CAMTA1: variants seen among roughly 807,000 people sequenced by gnomAD.
CAMTA1 encodes the protein calmodulin binding transcription activator 1.
Under a neutral mutation model 170.9 loss-of-function variants are expected in CAMTA1, and 27 were observed. The observed-to-expected ratio is 0.16, with a 90% CI of 0.12 to 0.22. The LOEUF (loss-of-function observed/expected upper bound fraction) is 0.22, where lower values mean the gene tolerates loss of function less well. Ranked by LOEUF, CAMTA1 falls within the 10% of genes least tolerant of loss-of-function variation. The probability of loss-of-function intolerance (pLI) is 1.00; values close to 1 mark genes in which losing one functional copy is unlikely to be tolerated. For synonymous variants in CAMTA1, 833 were observed against 891.5 expected (o/e 0.93, Z 1.17); for missense variants, 1,619 against 2,217.2 (o/e 0.73, Z 5.42).
chr1:7,337,545 G>GTGGGCAGTGGGCCT lies in CAMTA1; in HGVS notation c.438+87919_438+87920insTGGGCAGTGGGCCT, dbSNP rs1557542257. On this transcript the variant is annotated intron_variant, in intron 5 of 22. Transcript: ENST00000303635. Reference sequence around the variant, plus strand: ...CCAATCACAGTGTGGGCCGTGGGCTGCATCCAATCACAGTGTGGGCAGTGG... The same window carrying GTGGGCAGTGGGCCT: ...CCAATCACAGTGTGGGCCGTGGGCTGTGGGCAGTGGGCCTCATCCAATCACAGTGTGGGCAGTGG... 1.9e-4 allele frequency among the ~76,000 whole-genome samples: 27 copies of GTGGGCAGTGGGCCT among 139,580 alleles called. 3 individuals are homozygous for GTGGGCAGTGGGCCT. Among genetic ancestry groups the GTGGGCAGTGGGCCT allele is most frequent in the African/African-American group, 6.6e-4 (23 of 34,802 alleles). The allele number at this position is 139,580 out of a possible 152,430, so 91.6% of individuals were successfully genotyped here. A position where few individuals can be genotyped will look rare whatever the true frequency, so the allele number is the denominator to read the frequency against.
chr1:7,230,430 T>TG, intron 4 of CAMTA1, among the ~76,000 whole-genome samples: 1 of 85,250 alleles, frequency 1.2e-5, no homozygotes, highest in African/African-American at 7.0e-5. Context: ...TGCTCTGGGC[T>TG]GACCCCCCCC....
Position 7,562,501 on chromosome 1 carries a change from G to A in CAMTA1, c.511-77899G>A, listed in dbSNP as rs948927891. On this transcript the variant is annotated intron_variant, in intron 6 of 22. Transcript: ENST00000303635. This position sits in a 1 kb window ranked among gnomAD's most constrained non-coding sequence, Gnocchi z 4.8. Reference sequence around the variant, plus strand: ...CTGGCAGACGGCTCTGCCCACTCCCGCCCGCCTGCGACACCTGTCCTGCTG... The same window carrying A: ...CTGGCAGACGGCTCTGCCCACTCCCACCCGCCTGCGACACCTGTCCTGCTG... Among the ~76,000 whole-genome samples the A allele has an allele frequency of 6.6e-6, 1 of 151,992 alleles. No homozygotes were observed. The highest frequency in any genetic ancestry group is 1.5e-5 in the Non-Finnish European group (1 of 67,996).
chr1:7,499,733 AGT>A lies in CAMTA1; in HGVS notation c.510+31834_510+31835del, dbSNP rs1163506537. ...GTGTGTGTGTGCATGTGTGTCCATGAGTGAGTGTGTAGAGAGGATTGTGTGAG... is the reference window on the plus strand; with the variant it reads ...GTGTGTGTGTGCATGTGTGTCCATGAGAGTGTGTAGAGAGGATTGTGTGAG... On this transcript the variant is annotated intron_variant, in intron 6 of 22. Transcript: ENST00000303635. Among the ~76,000 whole-genome samples the A allele has an allele frequency of 7.5e-4, 78 of 103,462 alleles. 2 individuals carry two copies. The highest frequency in any genetic ancestry group is 4.1e-4 in the Admixed American group (4 of 9,786). The allele number at this position is 103,462 out of a possible 152,430, so 67.9% of individuals were successfully genotyped here. A position where few individuals can be genotyped will look rare whatever the true frequency, so the allele number is the denominator to read the frequency against.
intron 6 of CAMTA1, among the ~76,000 whole-genome samples, chr1:7,493,475 A>G (rs2149719478): frequency 6.6e-6 from 1 of 152,290 alleles, no homozygotes; most frequent in East Asian, 1.9e-4. Context: ...AAAAACATAT[A>G]AACAGGCGTG....
chr1:7,213,973 G>A (rs1387362347), intron 4 of CAMTA1, among the ~76,000 whole-genome samples: 2 of 152,200 alleles, frequency 1.3e-5, no homozygotes, highest in Non-Finnish European at 1.5e-5. Flanking sequence ...ATTCCATGGT[G>A]TATATGTGCC....
chr1:7,758,111 C>T (rs986993849), intron 22 of CAMTA1, among the ~76,000 whole-genome samples: 5 of 152,178 alleles, frequency 3.3e-5, no homozygotes, highest in African/African-American at 4.8e-5. Flanking sequence ...AGTTCAACTA[C>T]AACTTGTAGT....
chr1:7,468,109 T>C (rs948026131), intron 6 of CAMTA1, among the ~76,000 whole-genome samples: 1 of 152,206 alleles, frequency 6.6e-6, no homozygotes, highest in African/African-American at 2.4e-5. Flanking sequence ...GGAGAAGGCC[T>C]GGTGGCAGGG....
At position 7,425,703 on chromosome 1, in the gene CAMTA1, A is replaced by AGAGC. The variant is rs552323435; in HGVS notation, c.439-42126_439-42123dup. On this transcript the variant is annotated intron_variant, in intron 5 of 22. Transcript: ENST00000303635. ...CGTCAGGCATGGCTGCTACCCACCG[A>AGAGC]GAGCCCTTCTGGGACTGGCAGGGTC... Among the ~76,000 whole-genome samples the AGAGC allele has an allele frequency of 6.4e-3, 972 of 152,020 alleles. 7 individuals carry two copies. Among genetic ancestry groups the AGAGC allele is most frequent in the Middle Eastern group, 0.014 (4 of 294 alleles).
At chr1:7,627,952 A>G (rs1438724145) in intron 6 of CAMTA1, among the ~76,000 whole-genome samples, 1 of 152,216 alleles carries the variant, frequency 6.6e-6, no homozygotes, top group Non-Finnish European at 1.5e-5. Context: ...GTGTGGTGGA[A>G]AGAGTGACCG....
At chr1:7,727,534 C>T (rs2096699506) in intron 11 of CAMTA1, among the ~76,000 whole-genome samples, 2 of 152,218 alleles carry the variant, frequency 1.3e-5, no homozygotes, top group Admixed American at 1.3e-4. Context: ...CTCCCTACTG[C>T]CTGGTGCATA....
At chr1:7,087,469 T>C (rs1458199327) in intron 3 of CAMTA1, among the ~76,000 whole-genome samples, 1 of 152,192 alleles carries the variant, frequency 6.6e-6, no homozygotes, top group Admixed American at 6.5e-5. Flanking sequence ...GGCTGGGAAG[T>C]GACCCTGGGT....
chr1:7,694,913 C>T (rs971242089), intron 11 of CAMTA1: 2 of 152,184 alleles, frequency 1.3e-5, no homozygotes, highest in African/African-American at 4.8e-5. Flanking sequence ...AGCATTCCTG[C>T]TCAATAATTC....
intron 4 of CAMTA1, among the ~76,000 whole-genome samples, chr1:7,143,828 C>T (rs1573416456): frequency 6.6e-6 from 1 of 152,302 alleles, no homozygotes; most frequent in East Asian, 1.9e-4. Flanking sequence ...TGTATGAACG[C>T]ATATAAAGTC....
intron 3 of CAMTA1, among the ~76,000 whole-genome samples, chr1:6,936,945 G>A (rs1300779085): frequency 2.0e-5 from 3 of 151,896 alleles, no homozygotes; most frequent in African/African-American, 4.8e-5. Flanking sequence ...CCGAGATTAC[G>A]CCACTGCACT....
intron 3 of CAMTA1, among the ~76,000 whole-genome samples, chr1:6,980,321 C>A (rs772199788): frequency 2.0e-5 from 3 of 152,158 alleles, no homozygotes; most frequent in Non-Finnish European, 4.4e-5. Context: ...CTCTCTCTGG[C>A]CAGCCAAGGA....
At chr1:7,309,287 A>ATTTTTTT (rs34401498) in intron 5 of CAMTA1, among the ~76,000 whole-genome samples, 4 of 70,546 alleles carry the variant, frequency 5.7e-5, no homozygotes, top group African/African-American at 1.6e-4. Flanking sequence ...CAGTTAGAAA[A>ATTTTTTT]TTTTTTTTTT....
chr1:7,677,136 G>A (rs1317097472), intron 10 of CAMTA1, among the ~76,000 whole-genome samples: 1 of 152,176 alleles, frequency 6.6e-6, no homozygotes, highest in Non-Finnish European at 1.5e-5. Context: ...GGGATGGCTG[G>A]CTGTTCATCG....
chr1:7,437,487 C>T (rs1307984), intron 5 of CAMTA1, among the ~76,000 whole-genome samples: 39,659 of 152,156 alleles, frequency 0.26, 5,881 homozygotes, highest in South Asian at 0.38. Flanking sequence ...CCCACACTCC[C>T]TGCCGTGTAA....
intron 4 of CAMTA1, among the ~76,000 whole-genome samples, chr1:7,200,460 G>A (rs1364873770): frequency 6.6e-6 from 1 of 152,212 alleles, no homozygotes; most frequent in Non-Finnish European, 1.5e-5. Flanking sequence ...ACAAATGGTT[G>A]TTTGAGTTTT....
Sources: allele counts gnomAD v4.1 joint callset (sites outside exome capture counted in the v4.1 genomes callset), GRCh38; gene constraint gnomAD v4.1.1; non-coding constraint Gnocchi (gnomAD v3.1); transcripts MANE v1.5; gene names NCBI Gene and HGNC (gene_info 2026-07-23, HGNC 2026-07-21).